Variants in CLPB observed in about 807,000 individuals in gnomAD.
CLPB encodes the protein ClpB family mitochondrial disaggregase.
In CLPB, 40 loss-of-function variants were observed where a neutral mutation model predicts 78.4. The observed-to-expected ratio is 0.51, with a 90% CI of 0.40 to 0.66. CLPB has a LOEUF of 0.66. Among genes scored for constraint, CLPB ranks in the 30% least tolerant of loss-of-function variants. The probability of loss-of-function intolerance (pLI) is 0.00; values close to 1 mark genes in which losing one functional copy is unlikely to be tolerated. For synonymous variants in CLPB, 333 were observed against 348.0 expected (o/e 0.96, Z 0.48); for missense variants, 780 against 886.9 (o/e 0.88, Z 1.53).
At chr11:72,329,861 C>G in intron 5 of CLPB, 57 bp from the exon 6 acceptor site, 1 of 1,390,546 alleles carries the variant, frequency 7.2e-7, no homozygotes, top group Non-Finnish European at 1.0e-6. Context: ...GGACCTCAGC[C>G]TTCCCTTGGA....
chr11:72,385,578 T>A (rs1855050128), intron 3 of CLPB, among the ~76,000 whole-genome samples: 2 of 152,214 alleles, frequency 1.3e-5, no homozygotes, highest in Admixed American at 1.3e-4. Context: ...ATCTCAGCAC[T>A]TTGGGAGGCC....
At chr11:72,399,594 G>A (rs1224917279) in intron 3 of CLPB, among the ~76,000 whole-genome samples, 1 of 152,138 alleles carries the variant, frequency 6.6e-6, no homozygotes, top group Admixed American at 6.5e-5. Flanking sequence ...GCTCCTTAAG[G>A]ACAGAGACTA....
intron 5 of CLPB, among the ~76,000 whole-genome samples, chr11:72,333,205 ACC>A (rs1950259181): frequency 6.6e-6 from 1 of 152,000 alleles, no homozygotes; most frequent in African/African-American, 2.4e-5. Context: ...GCCACAATAT[ACC>A]CCTGATGAAA....
intron 1 of CLPB, among the ~76,000 whole-genome samples, chr11:72,431,892 T>C (rs1856555040): frequency 6.6e-6 from 1 of 152,218 alleles, no homozygotes; most frequent in African/African-American, 2.4e-5. Context: ...TTGACCATTA[T>C]CTATTTTGGT....
chr11:72,358,272 T>C (rs1950759450), intron 5 of CLPB, among the ~76,000 whole-genome samples: 2 of 152,238 alleles, frequency 1.3e-5, no homozygotes, highest in African/African-American at 2.4e-5. Context: ...CTGGGGACAC[T>C]TGAACCAGTC....
chr11:72,434,370 C>A lies in CLPB; in HGVS notation c.105G>T (p.Arg35=), dbSNP rs1336037926. 21 of 1,611,834 alleles carry A rather than the reference C, an allele frequency of 1.3e-5. No homozygotes were observed. Among genetic ancestry groups the A allele is most frequent in the Non-Finnish European group, 1.7e-5 (20 of 1,179,066 alleles). Residue 35 remains arginine (R), a synonymous_variant, in exon 1 of 16, where the codon CGG becomes CGT. Coordinates refer to ENST00000538039, the MANE Select transcript of CLPB (RefSeq NM_001258392.3). The part of the protein sequence containing the change: ...TLRGHGGASG[R]NVTTGSLGEP... ...CCCCGAGACTCCCAGTAGTCACATT[C>A]CGGCCGGAAGCACCTCCATGGCCCC...
Position 72,358,901 on chromosome 11 carries a change from C to G in CLPB, c.754G>C (p.Val252Leu), listed in dbSNP as rs953233136. 3.7e-6 allele frequency: 6 copies of G among 1,606,018 alleles called. No homozygotes were observed. The highest frequency in any genetic ancestry group is 5.1e-6 in the Non-Finnish European group (6 of 1,176,138). Reference sequence around the variant, plus strand: ...TCACCTCCATCAAGCAGCTCCTTGACAGTGCGGTAGTCATCAGCAAGAACA... The same window carrying G: ...TCACCTCCATCAAGCAGCTCCTTGAGAGTGCGGTAGTCATCAGCAAGAACA... ...YAVLADDYRT[V>L]KELLDGGANP... The change falls in exon 5 of 16, where the codon GTC (valine) becomes CTC (leucine). Residue 252 changes from valine (V) to leucine (L), a missense_variant. Val to Leu is a conservative substitution (Grantham distance 32). Around this residue, in one of 3 missense-constraint regions of CLPB, gnomAD observed 417 missense variants for 414.7 expected, o/e 1.01. Coordinates refer to ENST00000538039, the MANE Select transcript of CLPB (RefSeq NM_001258392.3).
At chr11:72,403,182 T>C (rs181455467) in intron 2 of CLPB, 130 bp from the exon 3 acceptor site, 9 of 881,468 alleles carry the variant, frequency 1.0e-5, no homozygotes, top group Admixed American at 4.1e-5. Flanking sequence ...GAAACAACCA[T>C]AGAAGAAATG....
intron 5 of CLPB, among the ~76,000 whole-genome samples, chr11:72,339,626 T>C (rs1459380809): frequency 6.6e-6 from 1 of 152,210 alleles, no homozygotes; most frequent in African/African-American, 2.4e-5. Context: ...CATTCAAAGA[T>C]ATTTTTTTGA....
chr11:72,400,225 C>CA (rs113236917), intron 3 of CLPB, among the ~76,000 whole-genome samples: 4 of 150,470 alleles, frequency 2.7e-5, no homozygotes, highest in African/African-American at 7.3e-5. Flanking sequence ...CAGTAGGGGC[C>CA]AAAAAAAAAT....
intron 5 of CLPB, chr11:72,352,703 C>T (rs1218928107): frequency 6.6e-6 from 1 of 152,224 alleles, no homozygotes; most frequent in Non-Finnish European, 1.5e-5. Flanking sequence ...GTCTGGTTTT[C>T]TCATAGAACT....
intron 5 of CLPB, among the ~76,000 whole-genome samples, chr11:72,332,335 A>C (rs1038335806): frequency 1.2e-4 from 18 of 151,874 alleles, no homozygotes; most frequent in African/African-American, 4.3e-4. Flanking sequence ...AAAAAAAAAA[A>C]AAAATTAGCC....
At chr11:72,406,065 T>G (rs1565085970) in intron 2 of CLPB, among the ~76,000 whole-genome samples, 1 of 152,200 alleles carries the variant, frequency 6.6e-6, no homozygotes, top group Non-Finnish European at 1.5e-5. Context: ...ATTCAAGGTT[T>G]TGGGACAAAA....
chr11:72,300,242 T>C (rs1054659710), intron 11 of CLPB, among the ~76,000 whole-genome samples: 2 of 152,178 alleles, frequency 1.3e-5, no homozygotes, highest in Admixed American at 1.3e-4. Flanking sequence ...GCCGTAATAA[T>C]AGCTAGCTTT....
chr11:72,428,015 G>A (rs998602422), intron 2 of CLPB, among the ~76,000 whole-genome samples: 2 of 152,168 alleles, frequency 1.3e-5, no homozygotes, highest in Non-Finnish European at 2.9e-5. Context: ...AGCAAGGATG[G>A]TCAGGCTCCC....
chr11:72,334,164 T>C (rs1950278674), intron 5 of CLPB, among the ~76,000 whole-genome samples: 2 of 152,190 alleles, frequency 1.3e-5, no homozygotes, highest in Non-Finnish European at 2.9e-5. Context: ...GCTTACAGAA[T>C]GAAAAATGTG....
intron 7 of CLPB, among the ~76,000 whole-genome samples, chr11:72,310,495 G>A (rs576096024): frequency 2.7e-4 from 41 of 152,326 alleles, no homozygotes; most frequent in African/African-American, 9.9e-4. Context: ...GCTAAGCGGG[G>A]AGTCCCTGGT....
intron 3 of CLPB, among the ~76,000 whole-genome samples, chr11:72,401,622 A>G (rs998495730): frequency 4.6e-5 from 7 of 152,290 alleles, no homozygotes; most frequent in African/African-American, 1.7e-4. Context: ...CCACCTCTAG[A>G]TTATAAAATC....
intron 6 of CLPB, among the ~76,000 whole-genome samples, chr11:72,329,371 T>C (rs1397640636): frequency 1.3e-5 from 2 of 152,122 alleles, no homozygotes; most frequent in Non-Finnish European, 2.9e-5. Flanking sequence ...GGCTAAGGAT[T>C]TTGTCTGGCT....
Sources: allele counts gnomAD v4.1 joint callset (sites outside exome capture counted in the v4.1 genomes callset), GRCh38; gene constraint gnomAD v4.1.1; regional missense constraint gnomAD v4.1.1; transcripts MANE v1.5; gene names NCBI Gene and HGNC (gene_info 2026-07-23, HGNC 2026-07-21).